The following CENPP variants were observed in gnomAD, a reference collection of about 807,000 sequenced individuals.
The protein encoded by CENPP is centromere protein P.
CENPP carries 24 observed loss-of-function variants against 35.6 expected under a neutral mutation model. The observed-to-expected ratio is 0.67, with a 90% CI of 0.49 to 0.95. The LOEUF (loss-of-function observed/expected upper bound fraction) is 0.95. CENPP is among the 40% of genes least tolerant of loss of function. CENPP has a pLI of 0.00. For synonymous variants in CENPP, 120 were observed against 125.5 expected (o/e 0.96, Z 0.29); for missense variants, 332 against 345.3 (o/e 0.96, Z 0.31).
At chr9:92,401,235 C>T (rs1238484681) in intron 5 of CENPP, 2 of 840,862 alleles carry the variant, frequency 2.4e-6, no homozygotes, top group Admixed American at 2.0e-5. Flanking sequence ...GTCTGTGTTT[C>T]TCTGTAAAAT....
At chr9:92,348,033 C>T (rs1161525350) in intron 4 of CENPP, among the ~76,000 whole-genome samples, 1 of 151,996 alleles carries the variant, frequency 6.6e-6, no homozygotes, top group Non-Finnish European at 1.5e-5. Flanking sequence ...AGGCAATTCT[C>T]CTGCCTCAGC....
chr9:92,480,906 A>G (rs561464739), intron 5 of CENPP, among the ~76,000 whole-genome samples: 108 of 152,346 alleles, frequency 7.1e-4, no homozygotes, highest in Admixed American at 1.8e-3. Context: ...GCATTTGGAA[A>G]CTTATTCACA....
Position 92,620,043 on chromosome 9 carries a change from C to T in CENPP, c.*6894C>T, listed in dbSNP as rs536598760. On this transcript the variant is annotated 3_prime_UTR_variant, in exon 8 of 8. Coordinates refer to ENST00000375587, the MANE Select transcript of CENPP (RefSeq NM_001012267.3). ...AACATCATACAGCCACCAGAGACAA[C>T]GGCAGACGGCCACCCTTCTACAGGC... The T allele has an allele frequency of 1.0e-4, 18 of 172,458 alleles. No individual in the cohort carries two copies. Among genetic ancestry groups the T allele is most frequent in the Admixed American group, 6.6e-4 (12 of 18,150 alleles). The allele number at this position is 172,458 out of a possible 1,614,324, so 10.7% of individuals were successfully genotyped here. A position where few individuals can be genotyped will look rare whatever the true frequency, so the allele number is the denominator to read the frequency against.
chr9:92,463,628 C>G (rs1487581401), intron 5 of CENPP, among the ~76,000 whole-genome samples: 2 of 152,212 alleles, frequency 1.3e-5, no homozygotes, highest in African/African-American at 4.8e-5. Context: ...CTACCTTCCT[C>G]TTTTCCTTGT....
At chr9:92,438,769 A>G (rs1844308491) in intron 5 of CENPP, among the ~76,000 whole-genome samples, 1 of 152,214 alleles carries the variant, frequency 6.6e-6, no homozygotes, top group South Asian at 2.1e-4. Flanking sequence ...CCTGGCCAAC[A>G]TGGTGAAACC....
chr9:92,394,265 CAG>C (rs1353882179), intron 5 of CENPP, among the ~76,000 whole-genome samples: 2 of 151,912 alleles, frequency 1.3e-5, no homozygotes, highest in African/African-American at 4.8e-5. Context: ...ATTTTTGAGA[CAG>C]AGTCTTGCCC....
chr9:92,393,235 G>A (rs1053730165), intron 5 of CENPP: 33 of 1,569,216 alleles, frequency 2.1e-5, no homozygotes, highest in East Asian at 4.5e-5. Flanking sequence ...CAGCAGACAC[G>A]TGGGCATTTC....
intron 4 of CENPP, among the ~76,000 whole-genome samples, chr9:92,375,781 T>C (rs865988137): frequency 2.0e-5 from 3 of 152,138 alleles, no homozygotes; most frequent in Admixed American, 6.5e-5. Context: ...TCTAAACATA[T>C]TTAAGACAGT....
intron 5 of CENPP, among the ~76,000 whole-genome samples, chr9:92,448,686 C>T (rs866949768): frequency 6.6e-6 from 1 of 151,870 alleles, no homozygotes; most frequent in Non-Finnish European, 1.5e-5. Context: ...CAGGTGAAGC[C>T]GTAGGTGTCA....
Position 92,616,135 on chromosome 9 carries a change from T to C in CENPP, c.*2986T>C. 1.1e-6 allele frequency: 1 copy of C among 926,196 alleles called. No individual in the cohort carries two copies. The highest frequency in any genetic ancestry group is 1.7e-6 in the Non-Finnish European group (1 of 601,582). The allele number at this position is 926,196 out of a possible 1,614,324, so 57.4% of individuals were successfully genotyped here. On this transcript the variant is annotated 3_prime_UTR_variant, in exon 8 of 8. Coordinates refer to ENST00000375587, the MANE Select transcript of CENPP (RefSeq NM_001012267.3). ...TCCCTCCCGTTCTCTCTCCCTTTCTTCTTTCAACTAGTATGTTTTTATGTT... is the reference window on the plus strand; with the variant it reads ...TCCCTCCCGTTCTCTCTCCCTTTCTCCTTTCAACTAGTATGTTTTTATGTT...
intron 5 of CENPP, chr9:92,385,523 A>G (rs1842383071): frequency 1.0e-6 from 1 of 1,001,704 alleles, no homozygotes; most frequent in Admixed American, 2.5e-5. Flanking sequence ...ATGAGATACA[A>G]GGTTAATATT....
chr9:92,464,278 A>C (rs1845222434), intron 5 of CENPP, among the ~76,000 whole-genome samples: 1 of 152,254 alleles, frequency 6.6e-6, no homozygotes, highest in African/African-American at 2.4e-5. Context: ...CTTAAGGAGC[A>C]TTCTACTTGA....
intron 5 of CENPP, among the ~76,000 whole-genome samples, chr9:92,515,706 A>T (rs1450655885): frequency 6.6e-6 from 1 of 152,144 alleles, no homozygotes; most frequent in African/African-American, 2.4e-5. Context: ...TTGCTTATAG[A>T]TTTGTCATTA....
Position 92,571,613 on chromosome 9 carries a change from C to G in CENPP, c.565-39701C>G, listed in dbSNP as rs994725794. ...TTTTAGGTCTGCTTGGTGCAGAGCT[C>G]AGTTCAATTCCTGGATATCCTTGTT... On this transcript the variant is annotated intron_variant, in intron 5 of 7. Transcript: ENST00000375587. 3.6e-4 allele frequency among the ~76,000 whole-genome samples: 55 copies of G among 152,034 alleles called. 2 individuals are homozygous for G. Among genetic ancestry groups the G allele is most frequent in the Non-Finnish European group, 1.9e-4 (13 of 67,984 alleles).
chr9:92,572,018 C>G (rs1355917358), intron 5 of CENPP, among the ~76,000 whole-genome samples: 2 of 151,060 alleles, frequency 1.3e-5, no homozygotes, highest in African/African-American at 4.9e-5. Flanking sequence ...ATACAGCACA[C>G]AGATGGGTCT....
At chr9:92,463,563 G>T (rs1366639352) in intron 5 of CENPP, among the ~76,000 whole-genome samples, 1 of 152,190 alleles carries the variant, frequency 6.6e-6, no homozygotes, top group Non-Finnish European at 1.5e-5. Flanking sequence ...AGGAGATGTG[G>T]CCTGGAACAG....
At chr9:92,410,001 A>G (rs768878862) in intron 5 of CENPP, among the ~76,000 whole-genome samples, 2 of 152,090 alleles carry the variant, frequency 1.3e-5, no homozygotes, top group African/African-American at 2.4e-5. Flanking sequence ...CAGTGGTTCA[A>G]TCTCGGCTCA....
chr9:92,435,511 C>T (rs931032588), intron 5 of CENPP, among the ~76,000 whole-genome samples: 1 of 152,254 alleles, frequency 6.6e-6, no homozygotes, highest in African/African-American at 2.4e-5. Context: ...AATTACAGAA[C>T]ATTTTTATCC....
chr9:92,559,041 C>G (rs564063993), intron 5 of CENPP, among the ~76,000 whole-genome samples: 1 of 152,116 alleles, frequency 6.6e-6, no homozygotes, highest in Non-Finnish European at 1.5e-5. Flanking sequence ...AAAACTTACC[C>G]GAGGCTGTCC....
Sources: gnomAD v4.1 joint callset for allele counts (sites outside exome capture counted in the v4.1 genomes callset) on GRCh38, gnomAD v4.1.1 for gene constraint, MANE v1.5 for transcripts, NCBI Gene and HGNC (gene_info 2026-07-23, HGNC 2026-07-21) for gene names.